The following CREBBP variants were observed in gnomAD, a reference collection of about 807,000 sequenced individuals.
The protein encoded by CREBBP is CREB binding lysine acetyltransferase.
CREBBP carries 19 observed loss-of-function variants against 265.0 expected under a neutral mutation model. That is an observed-to-expected ratio of 0.07 (90% CI 0.05 to 0.11). The LOEUF (loss-of-function observed/expected upper bound fraction) is 0.11. Ranked by LOEUF, CREBBP falls within the 10% of genes least tolerant of loss-of-function variation. The pLI is 1.00. For missense variants in CREBBP, 2,525 were observed against 3,219.0 expected (o/e 0.78, Z 5.22); for synonymous variants, 1,457 against 1,223.7 (o/e 1.19, Z -3.98).
At chr16:3,800,819 T>C (rs2053697892) in intron 3 of CREBBP, among the ~76,000 whole-genome samples, 5 of 152,228 alleles carry the variant, frequency 3.3e-5, no homozygotes, top group South Asian at 2.1e-4. Context: ...TACAATTAAA[T>C]AGGTGTGAGA....
chr16:3,873,855 C>T (rs2055347807), intron 1 of CREBBP, among the ~76,000 whole-genome samples: 1 of 152,240 alleles, frequency 6.6e-6, no homozygotes. Context: ...GAAAGTAAAA[C>T]CTTAACAAGA....
chr16:3,843,945 G>A lies in CREBBP; in HGVS notation c.798+6352C>T, dbSNP rs186644860. On this transcript the variant is annotated intron_variant, in intron 2 of 30. Coordinates refer to ENST00000262367, the MANE Select transcript of CREBBP (RefSeq NM_004380.3). ...GGGCGGATCACGAGGTCAGGAGATC[G>A]AGACCATCCCGGCTAAAACGGTGAA... 6.5e-3 allele frequency among the ~76,000 whole-genome samples: 988 copies of A among 151,282 alleles called. 15 individuals carry two copies. Among genetic ancestry groups the A allele is most frequent in the African/African-American group, 0.023 (956 of 41,256 alleles).
chr16:3,819,900 G>C (rs1230297083), intron 2 of CREBBP, among the ~76,000 whole-genome samples: 1 of 152,152 alleles, frequency 6.6e-6, no homozygotes, highest in Non-Finnish European at 1.5e-5. Context: ...CCACTCATAA[G>C]CCAGCCACGA....
At chr16:3,801,607 C>G (rs376370940) in intron 3 of CREBBP, among the ~76,000 whole-genome samples, 1 of 151,998 alleles carries the variant, frequency 6.6e-6, no homozygotes, top group African/African-American at 2.4e-5. Context: ...GAAGTGGAGG[C>G]GTCAGTGAGC....
intron 30 of CREBBP, among the ~76,000 whole-genome samples, chr16:3,730,751 C>A (rs2051892380): frequency 2.6e-5 from 4 of 152,158 alleles, no homozygotes. Context: ...CACCTGCCTG[C>A]CCTGCACAGC....
At chr16:3,833,693 AC>A (rs1304015265) in intron 2 of CREBBP, among the ~76,000 whole-genome samples, 1 of 152,192 alleles carries the variant, frequency 6.6e-6, no homozygotes, top group Non-Finnish European at 1.5e-5. Flanking sequence ...AGAAATGAAA[AC>A]GAGAAACTAA....
Position 3,781,601 on chromosome 16 carries a change from C to T in CREBBP, c.1574-295G>A, listed in dbSNP as rs3025697. Among the ~76,000 whole-genome samples, 11,311 of 152,214 alleles carry T rather than the reference C, an allele frequency of 0.074. 1,136 individuals are homozygous for T. Among genetic ancestry groups the T allele is most frequent in the African/African-American group, 0.23 (9,515 of 41,470 alleles). On this transcript the variant is annotated intron_variant, in intron 6 of 30. Transcript: ENST00000262367. ...AAGTGAAAAAGTTATAAATGACCCA[C>T]ATGCAGCCTCTTACTTTCATTCTGC...
At position 3,774,572 on chromosome 16, in the gene CREBBP, T is replaced by A. The variant is rs531891720; in HGVS notation, c.2280A>T (p.Pro760=). ...CACAGCGAAAGAGAACACTTACCCC[T>A]GGCACTGAGCCCATGCTGTTCATCT... The part of the protein sequence containing the change: ...SVQMNSMGSV[P]GMAISPSRMP... Residue 760 remains proline (P), a synonymous_variant, in exon 12 of 31, where the codon CCA becomes CCT. Coordinates refer to ENST00000262367, the MANE Select transcript of CREBBP (RefSeq NM_004380.3). 7 of 1,614,196 alleles carry A rather than the reference T, an allele frequency of 4.3e-6. 1 individual carries two copies. The African/African-American group carries it at 9.3e-5, about 22-fold the overall frequency.
At chr16:3,771,253 G>C (rs1187739078) in intron 13 of CREBBP, among the ~76,000 whole-genome samples, 1 of 152,030 alleles carries the variant, frequency 6.6e-6, no homozygotes, top group Non-Finnish European at 1.5e-5. Flanking sequence ...GTTTTTAGTA[G>C]AGATCGGGTT....
chr16:3,775,754 T>C (rs1357239164), intron 11 of CREBBP, among the ~76,000 whole-genome samples: 1 of 152,146 alleles, frequency 6.6e-6, no homozygotes, highest in African/African-American at 2.4e-5. Flanking sequence ...GGTTGCTAAG[T>C]GCATAACTAG....
chr16:3,737,731 T>G (rs765902915), intron 26 of CREBBP, among the ~76,000 whole-genome samples: 3 of 151,462 alleles, frequency 2.0e-5, no homozygotes, highest in Non-Finnish European at 1.5e-5. Context: ...CCCAAAGTAC[T>G]AGGATTACAG....
At position 3,842,512 on chromosome 16, in the gene CREBBP, TAAAG is replaced by T. The variant is rs762413252; in HGVS notation, c.798+7781_798+7784del. 5.9e-5 allele frequency among the ~76,000 whole-genome samples: 9 copies of T among 152,312 alleles called. No individual in the cohort carries two copies. In the South Asian group the frequency reaches 1.0e-3, roughly 18 times the overall value. On this transcript the variant is annotated intron_variant, in intron 2 of 30. Coordinates refer to ENST00000262367, the MANE Select transcript of CREBBP (RefSeq NM_004380.3). The stretch of plus-strand genomic sequence containing the variant: ...ATGTTAAGTTTTGCTACTGTTGAAA[TAAAG>T]AAATTGTTTTTTCTTTAAAAAACTC...
chr16:3,734,113 A>G (rs1226216923), intron 28 of CREBBP, among the ~76,000 whole-genome samples: 2 of 152,140 alleles, frequency 1.3e-5, no homozygotes, highest in Non-Finnish European at 2.9e-5. Context: ...TTCCTCACGA[A>G]GCTGGGACTG....
chr16:3,812,421 C>T (rs773019603), intron 2 of CREBBP, among the ~76,000 whole-genome samples: 14 of 151,982 alleles, frequency 9.2e-5, no homozygotes, highest in Admixed American at 4.6e-4. Flanking sequence ...TCAGGTGATC[C>T]GCCCACCTTG....
chr16:3,726,155 C>T lies in CREBBP; in HGVS notation c.*1563G>A, dbSNP rs565611155. ...CAAACGCCACACGGGACATGCTGCG[C>T]GGCAGCGGCAGGATTTGGGGGGAAG... On this transcript the variant is annotated 3_prime_UTR_variant, in exon 31 of 31. Coordinates refer to ENST00000262367, the MANE Select transcript of CREBBP (RefSeq NM_004380.3). The T allele has an allele frequency of 1.7e-5, 4 of 230,922 alleles. No individual in the cohort carries two copies. The highest frequency in any genetic ancestry group is 6.1e-5 in the East Asian group (1 of 16,478). 14.3% of individuals were successfully genotyped at this position (230,922 alleles called of 1,614,324 possible).
intron 1 of CREBBP, among the ~76,000 whole-genome samples, chr16:3,862,254 A>G (rs2055091912): frequency 6.6e-6 from 1 of 152,132 alleles, no homozygotes; most frequent in African/African-American, 2.4e-5. Context: ...GACACTGACA[A>G]CTCCAAAGAG....
intron 2 of CREBBP, among the ~76,000 whole-genome samples, chr16:3,848,988 G>A (rs778122996): frequency 3.9e-5 from 6 of 152,208 alleles, no homozygotes; most frequent in South Asian, 2.1e-4. Context: ...TTTTGCATCC[G>A]TCACCCAACG....
chr16:3,839,936 A>T (rs2054534968), intron 2 of CREBBP, among the ~76,000 whole-genome samples: 1 of 152,214 alleles, frequency 6.6e-6, no homozygotes, highest in Admixed American at 6.5e-5. Context: ...TACATCCTGA[A>T]TCATACATTC....
intron 2 of CREBBP, among the ~76,000 whole-genome samples, chr16:3,830,583 C>CA (rs1390175545): frequency 6.6e-5 from 10 of 152,120 alleles, no homozygotes; most frequent in African/African-American, 2.4e-4. Flanking sequence ...CCTAATAAAA[C>CA]AGTTTCAAAA....
Sources: gnomAD v4.1 joint callset for allele counts (sites outside exome capture counted in the v4.1 genomes callset) on GRCh38, gnomAD v4.1.1 for gene constraint, MANE v1.5 for transcripts, NCBI Gene and HGNC (gene_info 2026-07-23, HGNC 2026-07-21) for gene names.